The following RBFOX1 variants were observed in gnomAD, a reference collection of about 807,000 sequenced individuals.
The protein encoded by RBFOX1 is RNA binding protein fox-1 homolog 1.
Under a neutral mutation model 57.7 loss-of-function variants are expected in RBFOX1, and 8 were observed. The observed-to-expected ratio is 0.14, with a 90% confidence interval of 0.08 to 0.25. RBFOX1 has a LOEUF of 0.25. Among genes scored for constraint, RBFOX1 ranks in the 10% least tolerant of loss-of-function variants. RBFOX1 has a pLI of 1.00. For synonymous variants in RBFOX1, 326 were observed against 222.4 expected, an observed-to-expected ratio of 1.47 and a Z score of -4.15; for missense variants, 611 against 548.5, an observed-to-expected ratio of 1.11 and a Z score of -1.14.
intron 2 of RBFOX1, among the ~76,000 whole-genome samples, chr16:5,508,653 A>C (rs190897935): frequency 1.3e-5 from 2 of 152,038 alleles, no homozygotes; most frequent in Admixed American, 1.3e-4. Flanking sequence ...GATTGTACAG[A>C]GTGCCACACC....
intron 1 of RBFOX1, among the ~76,000 whole-genome samples, chr16:5,364,473 C>G (rs1279152221): frequency 6.6e-6 from 1 of 152,218 alleles, no homozygotes; most frequent in Non-Finnish European, 1.5e-5. Context: ...CAGCCTCAGC[C>G]AAGAGGAACT....
chr16:6,825,481 T>G (rs72766765), intron 3 of RBFOX1, among the ~76,000 whole-genome samples: 10,019 of 152,234 alleles, frequency 0.066, 483 homozygotes, highest in Non-Finnish European at 0.11. Flanking sequence ...GTTGTGTGTT[T>G]AGAACAAACA....
intron 1 of RBFOX1, among the ~76,000 whole-genome samples, chr16:6,277,006 A>G (rs1347492367): frequency 1.3e-5 from 2 of 152,196 alleles, no homozygotes; most frequent in African/African-American, 2.4e-5. Context: ...GAAATGGGAA[A>G]TAGACCTACC....
chr16:5,920,355 G>T (rs2058795626), intron 4 of RBFOX1, among the ~76,000 whole-genome samples: 2 of 152,244 alleles, frequency 1.3e-5, no homozygotes, highest in Admixed American at 6.5e-5. Context: ...TCACTCATCG[G>T]TGGCTATACA....
At chr16:6,837,975 C>T (rs964217941) in intron 3 of RBFOX1, among the ~76,000 whole-genome samples, 2 of 151,298 alleles carry the variant, frequency 1.3e-5, no homozygotes, top group African/African-American at 4.9e-5. Flanking sequence ...AGTTACCACC[C>T]CTTTCCATGG....
At chr16:7,186,310 T>C (rs2083782842) in intron 4 of RBFOX1, among the ~76,000 whole-genome samples, 1 of 91,662 alleles carries the variant, frequency 1.1e-5, no homozygotes, top group Non-Finnish European at 1.9e-5. Flanking sequence ...ATAAACATAT[T>C]TATATAAATA....
chr16:6,798,951 C>G (rs1603626122), intron 3 of RBFOX1, among the ~76,000 whole-genome samples: 1 of 152,104 alleles, frequency 6.6e-6, no homozygotes, highest in East Asian at 1.9e-4. Context: ...CTTCAAATGG[C>G]TACTTGTTAC....
At chr16:7,054,984 C>G (rs151041614) in intron 4 of RBFOX1, among the ~76,000 whole-genome samples, 1 of 152,228 alleles carries the variant, frequency 6.6e-6, no homozygotes, top group Non-Finnish European at 1.5e-5. Context: ...GTATCCAATA[C>G]TTGGTGTTAG....
chr16:5,715,077 C>T (rs572951603), intron 3 of RBFOX1, among the ~76,000 whole-genome samples: 81 of 152,304 alleles, frequency 5.3e-4, no homozygotes, highest in Non-Finnish European at 8.2e-4. Flanking sequence ...CTTTTGTTGA[C>T]GCAGCCGCCT....
intron 3 of RBFOX1, among the ~76,000 whole-genome samples, chr16:5,788,782 A>T (rs2054595656): frequency 6.6e-6 from 1 of 152,140 alleles, no homozygotes; most frequent in Non-Finnish European, 1.5e-5. Context: ...TGACGTTGTC[A>T]GTGACAGGCA....
In RBFOX1 at chr16:6,009,816, C is replaced by CTGTGTGTGTCTGTGTGTG. The variant is rs1555469439; in HGVS notation, c.351+142490_351+142491insCTGTGTGTGTGTGTGTGT. Reference sequence around the variant, plus strand: ...GCAGTGTGTGTATGTGTGTGTGTGTCTGTGTGTGTGTGTGTGTGTATAGGG... The same window carrying CTGTGTGTGTCTGTGTGTG: ...GCAGTGTGTGTATGTGTGTGTGTGTCTGTGTGTGTCTGTGTGTGTGTGTGTGTGTGTGTGTGTATAGGG... On this transcript the variant is annotated intron_variant, in intron 4 of 19. Coordinates refer to the RBFOX1 transcript ENST00000641259. 3.1e-3 allele frequency among the ~76,000 whole-genome samples: 467 copies of CTGTGTGTGTCTGTGTGTG among 148,526 alleles called. 1 individual carries two copies. The highest frequency in any genetic ancestry group is 0.011 in the African/African-American group (452 of 39,872).
chr16:6,553,902 C>T (rs12325383), intron 2 of RBFOX1, among the ~76,000 whole-genome samples: 4,051 of 152,210 alleles, frequency 0.027, 162 homozygotes, highest in South Asian at 0.073. Context: ...ATAGATTTTG[C>T]ACAACTTTGT....
chr16:7,187,622 G>A (rs1393821300), intron 4 of RBFOX1, among the ~76,000 whole-genome samples: 3 of 142,744 alleles, frequency 2.1e-5, no homozygotes, highest in Admixed American at 1.4e-4. Context: ...CCGGGAGGCA[G>A]AGCTTGCAGT....
At position 7,579,869 on chromosome 16, in the gene RBFOX1, C is replaced by T. The variant is rs755776363; in HGVS notation, c.363C>T (p.Val121=). 5.6e-6 allele frequency: 9 copies of T among 1,614,140 alleles called. No homozygotes were observed. The highest frequency in any genetic ancestry group is 4.5e-5 in the East Asian group (2 of 44,870). Residue 121 remains valine (V), a synonymous_variant, in exon 6 of 16, where the codon GTC becomes GTT. Coordinates refer to ENST00000550418, the MANE Select transcript of RBFOX1 (RefSeq NM_018723.4). ...AGTCTCAGCCCAAGCGGCTGCATGT[C>T]TCCAATATCCCCTTCAGGTTCCGGG... ...ENKSQPKRLH[V]SNIPFRFRDP... is the part of the protein sequence containing the mutation.
intron 4 of RBFOX1, among the ~76,000 whole-genome samples, chr16:7,274,400 A>C (rs903080563): frequency 2.0e-5 from 3 of 152,134 alleles, no homozygotes; most frequent in Non-Finnish European, 2.9e-5. Context: ...ATGAAACTGT[A>C]AAGCACACCC....
intron 6 of RBFOX1, among the ~76,000 whole-genome samples, chr16:7,582,421 T>A (rs181391906): frequency 4.6e-5 from 7 of 152,310 alleles, no homozygotes; most frequent in Admixed American, 1.3e-4. Context: ...CCCCTTGCAA[T>A]GACTTTCAAG....
At chr16:7,211,408 A>AC (rs2152788033) in intron 4 of RBFOX1, among the ~76,000 whole-genome samples, 1 of 151,698 alleles carries the variant, frequency 6.6e-6, no homozygotes, top group East Asian at 1.9e-4. Context: ...AAAAAAAAAA[A>AC]AAAATTGGAC....
intron 1 of RBFOX1, among the ~76,000 whole-genome samples, chr16:6,310,918 A>G (rs2080191124): frequency 6.6e-6 from 1 of 151,800 alleles, no homozygotes; most frequent in South Asian, 2.1e-4. Context: ...AAAAAAAAAA[A>G]AAGAACAGAA....
chr16:5,445,211 G>A lies in RBFOX1; in HGVS notation c.220-22005G>A, dbSNP rs965511188. ...AGACCAGAGTGATATTGTGAGGGAC[G>A]TGGGAGTAGGGGACTAATATGACAA... On this transcript the variant is annotated intron_variant, in intron 1 of 2. Transcript: ENST00000585867. Among the ~76,000 whole-genome samples, 7 of 152,312 alleles carry A rather than the reference G, an allele frequency of 4.6e-5. No homozygotes were observed. In the East Asian group the frequency reaches 1.4e-3, roughly 29 times the overall value.
Sources: allele counts gnomAD v4.1 joint callset (sites outside exome capture counted in the v4.1 genomes callset), GRCh38; gene constraint gnomAD v4.1.1; transcripts MANE v1.5; gene names NCBI Gene and HGNC (gene_info 2026-07-23, HGNC 2026-07-21).